LRP1B: variants seen among roughly 807,000 people sequenced by gnomAD.
The protein encoded by LRP1B is LDL receptor related protein 1B.
LRP1B carries 217 observed loss-of-function variants against 556.6 expected under a neutral mutation model. That is an observed-to-expected ratio of 0.39 (90% CI 0.35 to 0.44). The LOEUF (loss-of-function observed/expected upper bound fraction) is 0.44. Among genes scored for constraint, LRP1B ranks in the 20% least tolerant of loss-of-function variants. LRP1B has a pLI of 1.00. For missense variants in LRP1B, 5,053 were observed against 5,620.8 expected, an observed-to-expected ratio of 0.90 and a Z score of 3.23; for synonymous variants, 2,047 against 1,865.8, an observed-to-expected ratio of 1.10 and a Z score of -2.50.
intron 3 of LRP1B, among the ~76,000 whole-genome samples, chr2:141,310,945 A>C (rs2105448755): frequency 6.6e-6 from 1 of 152,288 alleles, no homozygotes; most frequent in Middle Eastern, 3.4e-3. Flanking sequence ...TTTGTTACTT[A>C]CTAGAAAATG....
intron 2 of LRP1B, among the ~76,000 whole-genome samples, chr2:141,653,244 C>G (rs897489361): frequency 6.6e-6 from 1 of 152,098 alleles, no homozygotes; most frequent in African/African-American, 2.4e-5. Flanking sequence ...AGAGCTATGC[C>G]ATTTTTCTCA....
intron 1 of LRP1B, among the ~76,000 whole-genome samples, chr2:141,837,275 G>A (rs1230033981): frequency 6.6e-6 from 1 of 151,810 alleles, no homozygotes; most frequent in Non-Finnish European, 1.5e-5. Flanking sequence ...GCCATCGAAG[G>A]GTAAGACATT....
intron 2 of LRP1B, among the ~76,000 whole-genome samples, chr2:141,593,241 C>T (rs1247084352): frequency 6.6e-6 from 1 of 152,000 alleles, no homozygotes; most frequent in Non-Finnish European, 1.5e-5. Flanking sequence ...AAACCTGGAC[C>T]CATGAAAGAT....
At chr2:140,383,129 A>G (rs1413344128) in intron 67 of LRP1B, among the ~76,000 whole-genome samples, 2 of 152,190 alleles carry the variant, frequency 1.3e-5, no homozygotes, top group African/African-American at 4.8e-5. Context: ...GTTAAGCAAC[A>G]CATGATGATA....
In LRP1B at chr2:141,795,850, C is replaced by T. The variant is rs188160146; in HGVS notation, c.205+14429G>A. ...CTATCAAGAAATAGAGAATGAAAAC[C>T]AGGAGCAATATATATATATATATAT... On this transcript the variant is annotated intron_variant, in intron 2 of 90. Coordinates refer to ENST00000389484, the MANE Select transcript of LRP1B (RefSeq NM_018557.3). Among the ~76,000 whole-genome samples the T allele has an allele frequency of 8.2e-3, 602 of 73,734 alleles. 5 individuals are homozygous for T. The highest frequency in any genetic ancestry group is 0.024 in the South Asian group (60 of 2,474). The allele number at this position is 73,734 out of a possible 152,430, so 48.4% of individuals were successfully genotyped here. A position where few individuals can be genotyped will look rare whatever the true frequency, so the allele number is the denominator to read the frequency against.
chr2:141,081,782 A>G (rs1202604052), intron 7 of LRP1B, among the ~76,000 whole-genome samples: 1 of 152,224 alleles, frequency 6.6e-6, no homozygotes, highest in Non-Finnish European at 1.5e-5. Flanking sequence ...TGTCTCTAGT[A>G]ACACACAAGC....
chr2:140,927,744 T>C (rs953484172), intron 20 of LRP1B, among the ~76,000 whole-genome samples: 2 of 146,278 alleles, frequency 1.4e-5, no homozygotes, highest in Admixed American at 1.4e-4. Flanking sequence ...ATCTCACTTG[T>C]TGTCCAGGCT....
intron 6 of LRP1B, among the ~76,000 whole-genome samples, chr2:141,201,884 C>T (rs1682038106): frequency 6.6e-6 from 1 of 152,148 alleles, no homozygotes; most frequent in African/African-American, 2.4e-5. Flanking sequence ...GAAATTGCAA[C>T]CAAGAAACCC....
chr2:140,324,112 C>T lies in LRP1B; in HGVS notation c.12341-46G>A, dbSNP rs753422954. 5.9e-6 allele frequency: 7 copies of T among 1,192,444 alleles called. No homozygotes were observed. The South Asian group carries it at 8.6e-5, about 15-fold the overall frequency. The allele number at this position is 1,192,444 out of a possible 1,614,324, so 73.9% of individuals were successfully genotyped here. A position where few individuals can be genotyped will look rare whatever the true frequency, so the allele number is the denominator to read the frequency against. ...TTATGAAAGTTTTAATGTATATACTCAGACTTTAAAAACTATGTTTATCCA... is the reference window on the plus strand; with the variant it reads ...TTATGAAAGTTTTAATGTATATACTTAGACTTTAAAAACTATGTTTATCCA... On this transcript the variant is annotated intron_variant, in intron 80 of 90. Transcript: ENST00000389484.
At chr2:141,305,530 TCAG>T (rs1280578636) in intron 3 of LRP1B, among the ~76,000 whole-genome samples, 1 of 152,206 alleles carries the variant, frequency 6.6e-6, no homozygotes, top group African/African-American at 2.4e-5. Flanking sequence ...GATCATACCA[TCAG>T]CAAAGAGGGA....
At chr2:141,727,501 A>G (rs969918075) in intron 2 of LRP1B, among the ~76,000 whole-genome samples, 10 of 152,194 alleles carry the variant, frequency 6.6e-5, no homozygotes, top group Admixed American at 5.9e-4. Flanking sequence ...TGATTGGGAC[A>G]GCATGATTTA....
intron 2 of LRP1B, among the ~76,000 whole-genome samples, chr2:141,527,305 T>A (rs1684723625): frequency 6.6e-6 from 1 of 152,046 alleles, no homozygotes; most frequent in Non-Finnish European, 1.5e-5. Context: ...CAGGTTTTGT[T>A]ATTTAGCTTA....
intron 37 of LRP1B, among the ~76,000 whole-genome samples, chr2:140,706,910 T>C (rs1054549492): frequency 6.6e-6 from 1 of 152,084 alleles, no homozygotes; most frequent in African/African-American, 2.4e-5. Flanking sequence ...ATGAATAAAT[T>C]TGAGACAGCT....
chr2:140,813,587 T>C, intron 32 of LRP1B, 70 bp downstream of exon 32: 1 of 1,426,066 alleles, frequency 7.0e-7, no homozygotes, highest in Non-Finnish European at 9.8e-7. Flanking sequence ...TTCCTAAGCT[T>C]TTAACAGGTC....
At chr2:141,811,237 C>T (rs1211658988) in intron 1 of LRP1B, among the ~76,000 whole-genome samples, 2 of 151,864 alleles carry the variant, frequency 1.3e-5, no homozygotes, top group Admixed American at 6.6e-5. Context: ...GTCATGGTCT[C>T]TGAATGTGAA....
intron 86 of LRP1B, among the ~76,000 whole-genome samples, chr2:140,259,224 G>A (rs1361881038): frequency 2.0e-5 from 3 of 152,200 alleles, no homozygotes; most frequent in South Asian, 2.1e-4. Context: ...AAGGACGGGG[G>A]ATATACCTGA....
At chr2:141,849,909 G>T (rs927182806) in intron 1 of LRP1B, among the ~76,000 whole-genome samples, 1 of 151,624 alleles carries the variant, frequency 6.6e-6, no homozygotes, top group Non-Finnish European at 1.5e-5. Flanking sequence ...TGATGGCCAA[G>T]AAACTACCTG....
chr2:140,313,870 A>G (rs1573774797), intron 83 of LRP1B, among the ~76,000 whole-genome samples: 1 of 151,570 alleles, frequency 6.6e-6, no homozygotes, highest in Admixed American at 6.6e-5. Context: ...ATCTAATCAA[A>G]CTCCTGATTT....
intron 3 of LRP1B, among the ~76,000 whole-genome samples, chr2:141,439,676 A>G (rs1460115324): frequency 6.6e-6 from 1 of 152,138 alleles, no homozygotes; most frequent in Non-Finnish European, 1.5e-5. Context: ...TTACCAGCTA[A>G]TTAAGTCCCT....
Sources: gnomAD v4.1 joint callset for allele counts (sites outside exome capture counted in the v4.1 genomes callset) on GRCh38, gnomAD v4.1.1 for gene constraint, MANE v1.5 for transcripts, NCBI Gene and HGNC (gene_info 2026-07-23, HGNC 2026-07-21) for gene names.